PSIP1: variants seen among roughly 807,000 people sequenced by gnomAD.
The protein encoded by PSIP1 is PC4 and SRSF1 interacting protein 1, also known as PC4 and SFRS1-interacting protein.
A neutral mutation model predicts 74.7 loss-of-function variants in PSIP1; 19 were observed. The ratio of observed to expected loss-of-function variants is 0.25; its 90% CI spans 0.18 to 0.37. PSIP1 has a LOEUF of 0.37. PSIP1 is among the 10% of genes least tolerant of loss of function. The pLI is 1.00. For synonymous variants in PSIP1, 222 were observed against 195.3 expected, an observed-to-expected ratio of 1.14 and a Z score of -1.14; for missense variants, 601 against 614.3, an observed-to-expected ratio of 0.98 and a Z score of 0.23.
At chr9:15,493,073 T>A (rs113859823) in intron 3 of PSIP1, among the ~76,000 whole-genome samples, 2,094 of 152,324 alleles carry the variant, frequency 0.014, 41 homozygotes, top group African/African-American at 0.048. Flanking sequence ...TTTGGCAGCC[T>A]GCTTGAATTT....
intron 3 of PSIP1, 92 bp from the exon 4 acceptor site, chr9:15,490,216 A>C (rs1176005123): frequency 1.1e-5 from 13 of 1,187,704 alleles, no homozygotes; most frequent in Non-Finnish European, 1.5e-5. Flanking sequence ...TATCAAAAAT[A>C]CAGAACCTAA....
intron 3 of PSIP1, 84 bp downstream of exon 3, chr9:15,506,477 C>T (rs376865771): frequency 7.3e-6 from 7 of 965,460 alleles, no homozygotes; most frequent in African/African-American, 3.3e-5. Context: ...TATTACGTTA[C>T]GATTTCCCCC....
At chr9:15,508,980 A>T (rs2037725440) in intron 2 of PSIP1, among the ~76,000 whole-genome samples, 1 of 152,232 alleles carries the variant, frequency 6.6e-6, no homozygotes, top group Non-Finnish European at 1.5e-5. Context: ...AAGCTTTGGA[A>T]GGAAACTTGT....
intron 4 of PSIP1, 111 bp downstream of exon 4, chr9:15,489,875 A>G (rs2036744814): frequency 3.3e-6 from 3 of 911,432 alleles, no homozygotes; most frequent in East Asian, 5.9e-5. Flanking sequence ...AGAACACAAC[A>G]AACTAGTATG....
chr9:15,470,718 G>A (rs890157958), intron 10 of PSIP1: 32 of 948,478 alleles, frequency 3.4e-5, no homozygotes, highest in South Asian at 1.5e-4. Flanking sequence ...AATCTCTCAG[G>A]ATTAAAAAAA....
intron 8 of PSIP1, among the ~76,000 whole-genome samples, chr9:15,477,320 T>A (rs1279966929): frequency 2.0e-5 from 3 of 152,208 alleles, no homozygotes; most frequent in African/African-American, 7.2e-5. Flanking sequence ...CCATACCACC[T>A]CACATACATA....
chr9:15,477,488 G>A (rs887083427), intron 8 of PSIP1, among the ~76,000 whole-genome samples: 2 of 152,054 alleles, frequency 1.3e-5, no homozygotes, highest in East Asian at 3.9e-4. Flanking sequence ...CTCTAATAGT[G>A]TTCTACAATT....
chr9:15,491,423 CT>C (rs1216042153), intron 3 of PSIP1, among the ~76,000 whole-genome samples: 1 of 152,218 alleles, frequency 6.6e-6, no homozygotes, highest in Non-Finnish European at 1.5e-5. Flanking sequence ...CTTTCCACTA[CT>C]CAGTGCATGT....
chr9:15,504,109 C>T (rs2037472406), intron 3 of PSIP1, among the ~76,000 whole-genome samples: 1 of 152,150 alleles, frequency 6.6e-6, no homozygotes, highest in South Asian at 2.1e-4. Flanking sequence ...GGCAGCACTG[C>T]TTTTCCAAAG....
intron 3 of PSIP1, among the ~76,000 whole-genome samples, chr9:15,497,701 T>C (rs890816166): frequency 3.3e-5 from 5 of 151,822 alleles, no homozygotes; most frequent in African/African-American, 1.2e-4. Context: ...GGAAAGAAGA[T>C]TGGGTAGAAA....
chr9:15,491,250 G>A (rs965849285), intron 3 of PSIP1, among the ~76,000 whole-genome samples: 2 of 152,114 alleles, frequency 1.3e-5, no homozygotes, highest in Non-Finnish European at 2.9e-5. Flanking sequence ...TTATGCTTGG[G>A]AGCTAGTTTA....
intron 11 of PSIP1, 87 bp from the exon 12 acceptor site, chr9:15,469,423 A>G (rs1241993740): frequency 2.7e-6 from 2 of 754,584 alleles, no homozygotes; most frequent in Non-Finnish European, 4.3e-6. Flanking sequence ...GAATTAGTGG[A>G]CTTAAAAAAA....
At chr9:15,477,446 T>C (rs2036139426) in intron 8 of PSIP1, among the ~76,000 whole-genome samples, 1 of 152,210 alleles carries the variant, frequency 6.6e-6, no homozygotes, top group African/African-American at 2.4e-5. Flanking sequence ...AGTGAAACTC[T>C]TTAAACATAT....
rs2037596234 is a variant in PSIP1 at position 15,506,551 on chromosome 9, C to T, written c.149+10G>A. 6.3e-7 allele frequency: 1 copy of T among 1,588,794 alleles called. No homozygotes were observed. The highest frequency in any genetic ancestry group is 8.6e-7 in the Non-Finnish European group (1 of 1,157,862). On this transcript the variant is annotated intron_variant, in intron 3 of 15. Coordinates refer to ENST00000380733, the MANE Select transcript of PSIP1 (RefSeq NM_033222.5). ...AGCTCTGATTTGCCTTTAAAGCTAA[C>T]AGGACTTACGTCTCATGAGTTCCAA...
chr9:15,499,396 A>T (rs924104310), intron 3 of PSIP1, among the ~76,000 whole-genome samples: 24 of 152,226 alleles, frequency 1.6e-4, no homozygotes, highest in African/African-American at 5.5e-4. Flanking sequence ...AAATGCTACA[A>T]TGTGTTTCTT....
At chr9:15,486,121 A>G in intron 5 of PSIP1, 53 bp from the exon 6 acceptor site, 1 of 1,434,424 alleles carries the variant, frequency 7.0e-7, no homozygotes, top group Middle Eastern at 1.9e-4. Context: ...CAGGAATGAA[A>G]GAAACCTTGT....
intron 8 of PSIP1, among the ~76,000 whole-genome samples, chr9:15,476,859 C>G (rs768033412): frequency 3.3e-5 from 5 of 152,140 alleles, no homozygotes; most frequent in Non-Finnish European, 7.4e-5. Flanking sequence ...ACTGGGCCCT[C>G]AGATCACTAT....
intron 4 of PSIP1, among the ~76,000 whole-genome samples, chr9:15,487,815 C>T (rs1175529073): frequency 6.6e-6 from 1 of 152,114 alleles, no homozygotes; most frequent in Non-Finnish European, 1.5e-5. Context: ...ACAGAGGCAA[C>T]ATAATATTCT....
At chr9:15,473,915 C>CAAAAAAAAAAAAAAAAAAAAAAAAAAAAA (rs386414512) in intron 9 of PSIP1, 94 bp downstream of exon 9, 2 of 557,720 alleles carry the variant, frequency 3.6e-6, no homozygotes, top group African/African-American at 6.3e-5. Flanking sequence ...AAAAAAAAAA[C>CAAAAAAAAAAAAAAAAAAAAAAAAAAAAA]AAAAAAAAAA....
Sources: allele counts gnomAD v4.1 joint callset (sites outside exome capture counted in the v4.1 genomes callset), GRCh38; gene constraint gnomAD v4.1.1; transcripts MANE v1.5; gene names NCBI Gene and HGNC (gene_info 2026-07-23, HGNC 2026-07-21).